Variants in LPP observed in about 807,000 individuals in gnomAD.
The protein encoded by LPP is lipoma-preferred partner.
LPP carries 38 observed loss-of-function variants against 60.4 expected under a neutral mutation model. That is an observed-to-expected ratio of 0.63 (90% CI 0.49 to 0.83). The LOEUF (loss-of-function observed/expected upper bound fraction) is 0.83. Among genes scored for constraint, LPP ranks in the 40% least tolerant of loss-of-function variants. The pLI, the probability that LPP is intolerant of heterozygous loss-of-function variation, is 0.00. For missense variants in LPP, 902 were observed against 783.6 expected (o/e 1.15, Z -1.80); for synonymous variants, 328 against 290.8 (o/e 1.13, Z -1.30).
chr3:188,187,905 C>CT (rs1334181798), intron 1 of LPP, among the ~76,000 whole-genome samples: 3 of 151,248 alleles, frequency 2.0e-5, no homozygotes, highest in Non-Finnish European at 4.4e-5. Flanking sequence ...TTTGCTCTTT[C>CT]TTTTTTTTCT....
chr3:188,508,157 G>A (rs1340553885), intron 5 of LPP, among the ~76,000 whole-genome samples: 1 of 152,148 alleles, frequency 6.6e-6, no homozygotes, highest in Non-Finnish European at 1.5e-5. Context: ...CCATGGAGAA[G>A]GGGAACAAGA....
At chr3:188,393,448 G>A (rs1780173611) in intron 3 of LPP, among the ~76,000 whole-genome samples, 1 of 152,058 alleles carries the variant, frequency 6.6e-6, no homozygotes, top group Non-Finnish European at 1.5e-5. Context: ...TTAGCCATAT[G>A]GAACTTCTGG....
chr3:188,158,089 G>A (rs1330940819), intron 1 of LPP, among the ~76,000 whole-genome samples: 1 of 152,166 alleles, frequency 6.6e-6, no homozygotes, highest in Admixed American at 6.5e-5. Context: ...AGGGTCTCTA[G>A]CGTCATCTCT....
At chr3:188,232,615 A>C (rs1720492429) in intron 2 of LPP, among the ~76,000 whole-genome samples, 1 of 151,574 alleles carries the variant, frequency 6.6e-6, no homozygotes, top group Non-Finnish European at 1.5e-5. Flanking sequence ...TGGCCTCCAA[A>C]AGTGCTGGGA....
intron 7 of LPP, among the ~76,000 whole-genome samples, chr3:188,655,300 A>G (rs1473968): frequency 0.99 from 151,134 of 152,236 alleles, 75,026 homozygotes; most frequent in East Asian, 1. Context: ...GCAGCACGTT[A>G]AAAAGTGCCA....
intron 2 of LPP, among the ~76,000 whole-genome samples, chr3:188,250,716 T>TTCTTTCTC (rs1385639420): frequency 6.9e-6 from 1 of 145,404 alleles, no homozygotes; most frequent in African/African-American, 2.6e-5. Context: ...TTTCTTTTCT[T>TTCTTTCTC]TCTTTCTCTC....
chr3:188,503,973 T>G (rs940465395), intron 5 of LPP, among the ~76,000 whole-genome samples: 1 of 152,212 alleles, frequency 6.6e-6, no homozygotes. Flanking sequence ...TTTATACTCT[T>G]GGCTTTGATC....
intron 8 of LPP, among the ~76,000 whole-genome samples, chr3:188,754,033 C>G (rs2150368970): frequency 6.6e-6 from 1 of 152,324 alleles, no homozygotes; most frequent in South Asian, 2.1e-4. Context: ...TATGTAAAGA[C>G]AGAGTCCCAA....
intron 9 of LPP, among the ~76,000 whole-genome samples, chr3:188,780,948 C>A (rs75395651): frequency 0.21 from 31,689 of 152,158 alleles, 3,783 homozygotes; most frequent in Middle Eastern, 0.28. Context: ...GGAGATTGAG[C>A]AATCTCCTCA....
At chr3:188,684,617 A>G (rs1262057589) in intron 7 of LPP, among the ~76,000 whole-genome samples, 1 of 149,886 alleles carries the variant, frequency 6.7e-6, no homozygotes, top group Non-Finnish European at 1.5e-5. Flanking sequence ...GCCGTCAGCA[A>G]ATAGAATCTG....
intron 7 of LPP, among the ~76,000 whole-genome samples, chr3:188,627,704 G>C (rs1385808353): frequency 1.3e-5 from 2 of 152,062 alleles, no homozygotes; most frequent in Non-Finnish European, 2.9e-5. Flanking sequence ...CATTTCTAGA[G>C]AGATCACTAA....
chr3:188,333,983 G>C (rs1009009374), intron 2 of LPP, among the ~76,000 whole-genome samples: 2 of 152,070 alleles, frequency 1.3e-5, no homozygotes, highest in African/African-American at 2.4e-5. Context: ...CTCCTCCTTT[G>C]TACTTTTGTA....
At chr3:188,421,098 A>C (rs1787682186) in intron 4 of LPP, among the ~76,000 whole-genome samples, 1 of 152,176 alleles carries the variant, frequency 6.6e-6, no homozygotes, top group African/African-American at 2.4e-5. Flanking sequence ...ACAGGTAAAA[A>C]GTAGTCCAGA....
At chr3:188,503,462 A>G (rs1342161731) in intron 5 of LPP, among the ~76,000 whole-genome samples, 1 of 152,180 alleles carries the variant, frequency 6.6e-6, no homozygotes, top group East Asian at 1.9e-4. Context: ...AAAGTCACAC[A>G]TCATGATTAC....
intron 4 of LPP, among the ~76,000 whole-genome samples, chr3:188,446,613 C>A (rs1016023746): frequency 1.3e-5 from 2 of 152,160 alleles, no homozygotes; most frequent in Non-Finnish European, 2.9e-5. Flanking sequence ...TTTTCACGGA[C>A]TGATGAAAAT....
At chr3:188,222,427 A>AT (rs1716137210) in intron 1 of LPP, among the ~76,000 whole-genome samples, 1 of 152,162 alleles carries the variant, frequency 6.6e-6, no homozygotes. Context: ...TACGTGCTAG[A>AT]TATGGGATCC....
intron 2 of LPP, among the ~76,000 whole-genome samples, chr3:188,281,326 G>C (rs922174816): frequency 3.3e-5 from 5 of 152,052 alleles, no homozygotes; most frequent in African/African-American, 4.8e-5. Flanking sequence ...GTCAGGCCAG[G>C]CATAGTGGCT....
At chr3:188,164,601 A>T (rs1719370201) in intron 1 of LPP, among the ~76,000 whole-genome samples, 1 of 152,228 alleles carries the variant, frequency 6.6e-6, no homozygotes, top group Non-Finnish European at 1.5e-5. Flanking sequence ...GCCCTGACTC[A>T]TGGGAAAGGC....
intron 1 of LPP, among the ~76,000 whole-genome samples, chr3:188,218,183 C>A (rs530343808): frequency 6.6e-6 from 1 of 152,208 alleles, no homozygotes; most frequent in Non-Finnish European, 1.5e-5. Flanking sequence ...GACTGGACTG[C>A]GGTCCAAGGG....
Sources: allele counts gnomAD v4.1 joint callset (sites outside exome capture counted in the v4.1 genomes callset), GRCh38; gene constraint gnomAD v4.1.1; transcripts MANE v1.5; gene names NCBI Gene and HGNC (gene_info 2026-07-23, HGNC 2026-07-21).